FGFR3: variants seen among roughly 807,000 people sequenced by gnomAD.
The protein encoded by FGFR3 is FGFR-3.
In FGFR3, 25 loss-of-function variants were observed where a neutral mutation model predicts 82.9. The observed-to-expected ratio is 0.30, with a 90% CI of 0.22 to 0.42. FGFR3 has a LOEUF of 0.42. FGFR3 is among the 10% of genes least tolerant of loss of function. The pLI, the probability that FGFR3 is intolerant of heterozygous loss-of-function variation, is 1.00. For missense variants in FGFR3, 1,026 were observed against 1,161.0 expected (o/e 0.88, Z 1.69); for synonymous variants, 620 against 516.0 (o/e 1.20, Z -2.73).
rs531439870 is a variant in FGFR3, at chr4:1,796,563, C to T, written c.109+2520C>T. ...AATAAACCCCTGGGGCAGCCAGCTC[C>T]GGAAGCGAGTCTGGATTTGATCCTT... On this transcript the variant is annotated intron_variant, in intron 2 of 17. Transcript: ENST00000440486. Among the ~76,000 whole-genome samples the T allele has an allele frequency of 1.1e-4, 16 of 152,264 alleles. No homozygotes were observed. In the South Asian group the frequency reaches 1.2e-3, roughly 12 times the overall value.
At chr4:1,803,025 G>T in intron 7 of FGFR3, 3 of 1,601,468 alleles carry the variant, frequency 1.9e-6, no homozygotes, top group Non-Finnish European at 1.7e-6. Flanking sequence ...AGGCGTGGCC[G>T]AGAAGGCCTT....
At chr4:1,794,314 TCCCTAG>T (rs1720204289) in intron 2 of FGFR3, among the ~76,000 whole-genome samples, 1 of 152,180 alleles carries the variant, frequency 6.6e-6, no homozygotes, top group African/African-American at 2.4e-5. Flanking sequence ...CCCCTGCGAC[TCCCTAG>T]CCCTGGCCTG....
At chr4:1,796,336 T>A (rs887288799) in intron 2 of FGFR3, among the ~76,000 whole-genome samples, 4 of 152,138 alleles carry the variant, frequency 2.6e-5, no homozygotes, top group Non-Finnish European at 5.9e-5. Context: ...TCCAGATCCC[T>A]TTTTTCCGGA....
At chr4:1,795,584 C>T (rs1314523350) in intron 2 of FGFR3, among the ~76,000 whole-genome samples, 2 of 152,220 alleles carry the variant, frequency 1.3e-5, no homozygotes, top group African/African-American at 4.8e-5. Flanking sequence ...CTGGCGCTTG[C>T]CCGGGAACAT....
intron 7 of FGFR3, chr4:1,802,826 C>G: frequency 2.7e-6 from 4 of 1,458,754 alleles, no homozygotes; most frequent in East Asian, 2.8e-5. Context: ...CAGCCTCGAT[C>G]TGTACCTTGG....
intron 4 of FGFR3, 68 bp from the exon 5 acceptor site, chr4:1,801,299 A>AG: frequency 6.7e-7 from 1 of 1,500,754 alleles, no homozygotes; most frequent in Non-Finnish European, 9.0e-7. Flanking sequence ...AGCTCTGGGA[A>AG]GGGGGTTGTT....
At chr4:1,797,339 C>T (rs1407387541) in intron 2 of FGFR3, among the ~76,000 whole-genome samples, 3 of 152,180 alleles carry the variant, frequency 2.0e-5, no homozygotes, top group Admixed American at 6.5e-5. Flanking sequence ...GCTCGCCACC[C>T]AGCCCCTGCT....
At chr4:1,796,713 G>A (rs1402252686) in intron 2 of FGFR3, among the ~76,000 whole-genome samples, 1 of 152,120 alleles carries the variant, frequency 6.6e-6, no homozygotes, top group African/African-American at 2.4e-5. Context: ...GGTTCCCCAG[G>A]CCAGAGTTTG....
chr4:1,797,970 G>A (rs1315855784), intron 2 of FGFR3, among the ~76,000 whole-genome samples: 2 of 152,158 alleles, frequency 1.3e-5, no homozygotes, highest in Non-Finnish European at 2.9e-5. Flanking sequence ...ACAAGTGATG[G>A]CGCAACCCGC....
In FGFR3 at chr4:1,805,747, C is replaced by T. The variant is rs752968776; in HGVS notation, c.1646-3C>T. 8.7e-6 allele frequency: 14 copies of T among 1,612,470 alleles called. No individual in the cohort carries two copies. In the Admixed American group the frequency reaches 2.3e-4, roughly 27 times the overall value. ...AGCCCGTCTGAGGAGCCCGTGTCCC[C>T]AGGGCCCCTGTACGTGCTGGTGGAG... On this transcript the variant is annotated splice_region_variant and splice_polypyrimidine_tract_variant and intron_variant, in intron 12 of 17. Coordinates refer to ENST00000440486, the MANE Select transcript of FGFR3 (RefSeq NM_000142.5).
At chr4:1,804,661 T>TAGG in intron 9 of FGFR3, 141 bp downstream of exon 9, 19 of 1,424,824 alleles carry the variant, frequency 1.3e-5, no homozygotes, top group Non-Finnish European at 1.8e-5. Flanking sequence ...CTGCTCACCA[T>TAGG]GTAGAGCCTA....
In FGFR3 at chr4:1,808,333, A is replaced by G. The variant is rs956805240; in HGVS notation, c.*1071A>G. On this transcript the variant is annotated 3_prime_UTR_variant, in exon 18 of 18. Transcript: ENST00000440486. Reference sequence around the variant, plus strand: ...ATAGTTGGAGGTGATTCCAGTGAAGATATTTTATTTCCTTTGTCCTTTTTC... The same window carrying G: ...ATAGTTGGAGGTGATTCCAGTGAAGGTATTTTATTTCCTTTGTCCTTTTTC... The G allele has an allele frequency of 4.3e-6, 1 of 232,522 alleles. No individual in the cohort carries two copies. The highest frequency in any genetic ancestry group is 1.8e-4 in the South Asian group (1 of 5,512). 14.4% of individuals were successfully genotyped at this position (232,522 alleles called of 1,614,324 possible).
rs746580452 is a variant in FGFR3, at chr4:1,807,500, G to C, written c.*238G>C. On this transcript the variant is annotated 3_prime_UTR_variant, in exon 18 of 18. Coordinates refer to ENST00000440486, the MANE Select transcript of FGFR3 (RefSeq NM_000142.5). Reference sequence around the variant, plus strand: ...CTGGGTGTCCCCGCTGCTGTGCAACGGTCTCCTGACTGGTGCTGCAGCACC... The same window carrying C: ...CTGGGTGTCCCCGCTGCTGTGCAACCGTCTCCTGACTGGTGCTGCAGCACC... The C allele has an allele frequency of 1.1e-5, 8 of 725,608 alleles. No individual in the cohort carries two copies. Among genetic ancestry groups the C allele is most frequent in the Admixed American group, 7.9e-5 (4 of 50,590 alleles). The allele number at this position is 725,608 out of a possible 1,614,324, so 44.9% of individuals were successfully genotyped here. A position where few individuals can be genotyped will look rare whatever the true frequency, so the allele number is the denominator to read the frequency against.
Position 1,793,844 on chromosome 4 carries a change from G to C in FGFR3, c.-91G>C. On this transcript the variant is annotated 5_prime_UTR_variant, in exon 2 of 18. Coordinates refer to ENST00000440486, the MANE Select transcript of FGFR3 (RefSeq NM_000142.5). ...TCCTCCTCCTGTAGTCTCCCGAGCG[G>C]CGCCCGCCTCCCGCCGGTGCCCGCG... The C allele has an allele frequency of 3.7e-6, 1 of 270,700 alleles. No homozygotes were observed. Among genetic ancestry groups the C allele is most frequent in the Admixed American group, 6.3e-5 (1 of 15,970 alleles). The allele number at this position is 270,700 out of a possible 1,614,324, so 16.8% of individuals were successfully genotyped here.
In FGFR3 at chr4:1,806,330, ACGTGTC is replaced by A; in HGVS notation, c.2030+5_2030+10del. The A allele has an allele frequency of 6.2e-7, 1 of 1,613,018 alleles. No homozygotes were observed. Among genetic ancestry groups the A allele is most frequent in the Non-Finnish European group, 8.5e-7 (1 of 1,179,960 alleles). On this transcript the variant is annotated splice_donor_5th_base_variant and intron_variant, in intron 15 of 17. Coordinates refer to ENST00000440486, the MANE Select transcript of FGFR3 (RefSeq NM_000142.5). ...GTCTACACTCACCAGAGTGACGTGT[ACGTGTC>A]CTGCAGAGCTCAGGCTTCAGGGGTG...
chr4:1,804,798 C>A (rs1721668882), intron 9 of FGFR3, 26 bp from the exon 10 acceptor site: 1 of 1,549,000 alleles, frequency 6.5e-7, no homozygotes, highest in Non-Finnish European at 8.7e-7. Context: ...CACGCGGCGC[C>A]AACCTGCCCC....
intron 2 of FGFR3, among the ~76,000 whole-genome samples, chr4:1,795,476 TAGTG>T (rs1720391877): frequency 7.5e-6 from 1 of 134,064 alleles, no homozygotes; most frequent in Non-Finnish European, 1.6e-5. Flanking sequence ...GTGAAACAGG[TAGTG>T]AGTTGATCGG....
chr4:1,804,589 C>T, intron 9 of FGFR3, 69 bp downstream of exon 9: 1 of 1,587,452 alleles, frequency 6.3e-7, no homozygotes, highest in Non-Finnish European at 8.6e-7. Flanking sequence ...CACCTCGGCC[C>T]ACGCTGGTCC....
In FGFR3 at chr4:1,799,490, C is replaced by A; in HGVS notation, c.346C>A (p.Arg116Ser). Residue 116 changes from arginine to serine, a missense_variant, in exon 3 of 18, where the codon CGC becomes AGC. By Grantham distance (110) the Arg-to-Ser change is moderately radical (BLOSUM62 -1). Transcript: ENST00000440486. ...CAGCTGCCGGCAGCGGCTCACGCAG[C>A]GCGTACTGTGCCACTTCAGTGTGCG... ...AYSCRQRLTQ[R>S]VLCHFSVRVT... 2 of 1,570,130 alleles carry A rather than the reference C, an allele frequency of 1.3e-6. No individual in the cohort carries two copies. The highest frequency in any genetic ancestry group is 1.7e-6 in the Non-Finnish European group (2 of 1,158,500).
Sources: gnomAD v4.1 joint callset for allele counts (sites outside exome capture counted in the v4.1 genomes callset) on GRCh38, gnomAD v4.1.1 for gene constraint, MANE v1.5 for transcripts, NCBI Gene and HGNC (gene_info 2026-07-23, HGNC 2026-07-21) for gene names.